The following RNF14 variants were observed in gnomAD, a reference collection of about 807,000 sequenced individuals.
RNF14 encodes ring finger protein 14, also known as E3 ubiquitin-protein ligase RNF14.
Under a neutral mutation model 52.6 loss-of-function variants are expected in RNF14, and 26 were observed. The ratio of observed to expected loss-of-function variants is 0.49; its 90% CI spans 0.36 to 0.69. The LOEUF (loss-of-function observed/expected upper bound fraction) is 0.69, where lower values mean the gene tolerates loss of function less well. Among genes scored for constraint, RNF14 ranks in the 30% least tolerant of loss-of-function variants. RNF14 has a pLI of 0.00. For missense variants in RNF14, 404 were observed against 560.4 expected (o/e 0.72, Z 2.82); for synonymous variants, 194 against 202.0 (o/e 0.96, Z 0.34).
In RNF14 at chr5:141,973,741, C is replaced by A. The variant is rs768143442; in HGVS notation, c.153C>A (p.Ser51Arg). 6.3e-5 allele frequency: 101 copies of A among 1,594,020 alleles called. No homozygotes were observed. Among genetic ancestry groups the A allele is most frequent in the Non-Finnish European group, 8.5e-5 (100 of 1,173,082 alleles). ...DLPQNFKIFV[S>R]GNSNECLQNS... ...CACAGAATTTCAAGATATTTGTGAGCGGTTAGTTAATAATTTCTTAAACAG... is the reference window on the plus strand; with the variant it reads ...CACAGAATTTCAAGATATTTGTGAGAGGTTAGTTAATAATTTCTTAAACAG... The change falls in exon 3 of 9, where the codon AGC becomes AGA. Residue 51 changes from serine (S) to arginine (R), a missense_variant and splice_region_variant. Transcript: ENST00000394520.
upstream of RNF14, chr5:141,956,658 G>GC: frequency 6.2e-7 from 1 of 1,614,176 alleles, no homozygotes; most frequent in Non-Finnish European, 8.5e-7. Flanking sequence ...GCCTGAAGTG[G>GC]CCCAGCTCTT....
upstream of RNF14, chr5:141,958,271 T>C (rs1753220470): frequency 5.8e-6 from 1 of 172,144 alleles, no homozygotes; most frequent in South Asian, 1.5e-4. Context: ...GGGCTGTGAG[T>C]TTCAATGCCA....
rs1245174620 is a variant in RNF14 at position 141,987,726 on chromosome 5, C to T, written c.1368-7C>T. 6.2e-7 allele frequency: 1 copy of T among 1,613,788 alleles called. No individual in the cohort carries two copies. The highest frequency in any genetic ancestry group is 2.2e-5 in the East Asian group (1 of 44,878). On this transcript the variant is annotated splice_polypyrimidine_tract_variant and splice_region_variant and intron_variant, in intron 8 of 8. Transcript: ENST00000394520. ...GTATAAAAATGTACCTTTTTTAATGCTTCCAGGCTGTTTTATGCTGTGGAT... is the reference window on the plus strand; with the variant it reads ...GTATAAAAATGTACCTTTTTTAATGTTTCCAGGCTGTTTTATGCTGTGGAT...
At chr5:141,963,379 CT>C (rs1199358722), upstream of RNF14, among the ~76,000 whole-genome samples, 789 of 136,340 alleles carry the variant, frequency 5.8e-3, 4 homozygotes, top group African/African-American at 0.013. Context: ...ACACAAGTTC[CT>C]TTTTTTTTTT....
rs1056546046 is a variant in RNF14 at position 141,973,611 on chromosome 5, C to T, written c.23C>T (p.Ala8Val). The change falls in exon 3 of 9, where the codon GCT becomes GTT. Residue 8 changes from alanine to valine, a missense_variant. Transcript: ENST00000394520. ...CTTATGTCGTCAGAAGATCGAGAAGCTCAGGAGGATGAATTGCTGGCCCTG... is the reference window on the plus strand; with the variant it reads ...CTTATGTCGTCAGAAGATCGAGAAGTTCAGGAGGATGAATTGCTGGCCCTG... MSSEDRE[A>V]QEDELLALAS... 1 of 1,612,842 alleles carries T rather than the reference C, an allele frequency of 6.2e-7. No homozygotes were observed.
At chr5:141,962,731 G>A (rs1357747110), upstream of RNF14, among the ~76,000 whole-genome samples, 1 of 152,180 alleles carries the variant, frequency 6.6e-6, no homozygotes, top group Admixed American at 6.5e-5. Context: ...AGATTTGTAT[G>A]TTCTTTTCCA....
intron 6 of RNF14, chr5:141,981,533 A>T (rs1278208350): frequency 2.6e-5 from 4 of 152,198 alleles, no homozygotes; most frequent in African/African-American, 9.7e-5. Flanking sequence ...GGCCTTTACC[A>T]TAAATAGTTT....
At chr5:141,968,961 G>A (rs573805359), upstream of RNF14, 1 of 151,308 alleles carries the variant, frequency 6.6e-6, no homozygotes, top group South Asian at 2.1e-4. Context: ...CAGTAAGTGG[G>A]GGTGACGGTG....
At chr5:141,972,361 C>T (rs1303695552) in intron 2 of RNF14, among the ~76,000 whole-genome samples, 1 of 152,084 alleles carries the variant, frequency 6.6e-6, no homozygotes, top group East Asian at 1.9e-4. Context: ...CCCCAAGTAG[C>T]TGGGACCACA....
intron 1 of RNF14, among the ~76,000 whole-genome samples, chr5:141,959,521 C>T (rs529846577): frequency 6.6e-6 from 1 of 152,132 alleles, no homozygotes; most frequent in Non-Finnish European, 1.5e-5. Flanking sequence ...TGAGAATGAA[C>T]GCCAGCTTCC....
At chr5:141,973,834 G>T in intron 3 of RNF14, 92 bp downstream of exon 3, 1 of 1,085,944 alleles carries the variant, frequency 9.2e-7, no homozygotes, top group South Asian at 1.7e-5. Flanking sequence ...TTAGGCATTA[G>T]TGATAGGTGG....
chr5:141,952,800 C>G, the RNF14 span: 1 of 152,252 alleles, frequency 6.6e-6, no homozygotes, highest in African/African-American at 2.4e-5. Flanking sequence ...TAAAAATCCT[C>G]TGCAAAAGCA....
upstream of RNF14, among the ~76,000 whole-genome samples, chr5:141,967,056 GT>G (rs1217937878): frequency 6.6e-6 from 1 of 152,122 alleles, no homozygotes; most frequent in Non-Finnish European, 1.5e-5. Flanking sequence ...GGGTATTTTG[GT>G]TTCTGTTTTG....
chr5:141,951,859 G>T, the RNF14 span, among the ~76,000 whole-genome samples: 3 of 152,230 alleles, frequency 2.0e-5, no homozygotes, highest in East Asian at 3.8e-4. Context: ...TCATTCCTCC[G>T]AGTGTCCTGC....
upstream of RNF14, chr5:141,955,731 G>T (rs1168434177): frequency 6.2e-7 from 1 of 1,614,022 alleles, no homozygotes; most frequent in African/African-American, 1.3e-5. This position sits in a 1 kb window ranked among gnomAD's most constrained non-coding sequence, Gnocchi z 5.5. Context: ...CCCCAGGCTT[G>T]CGGGCTGAGT....
chr5:141,981,714 G>A (rs756559005), intron 6 of RNF14: 2 of 151,998 alleles, frequency 1.3e-5, no homozygotes, highest in African/African-American at 2.4e-5. Context: ...TTAACGAGGT[G>A]TGGTGGTGCA....
intron 2 of RNF14, among the ~76,000 whole-genome samples, chr5:141,971,635 CCTT>C (rs1753789395): frequency 5.7e-5 from 2 of 35,056 alleles, no homozygotes; most frequent in African/African-American, 2.0e-4. Flanking sequence ...TTCTTTCTTT[CCTT>C]TTTTTTTTTT....
intron 7 of RNF14, 24 bp from the exon 8 acceptor site, chr5:141,984,779 T>C: frequency 6.2e-7 from 1 of 1,611,754 alleles, no homozygotes; most frequent in Non-Finnish European, 8.5e-7. Context: ...CTTGATATTT[T>C]TCTCTTTCTA....
upstream of RNF14, among the ~76,000 whole-genome samples, chr5:141,961,848 C>A (rs1199738077): frequency 1.3e-5 from 2 of 152,102 alleles, no homozygotes; most frequent in Non-Finnish European, 2.9e-5. Context: ...GACTCCCAGG[C>A]CAGCTGAATG....
Sources: gnomAD v4.1 joint callset for allele counts (sites outside exome capture counted in the v4.1 genomes callset) on GRCh38, gnomAD v4.1.1 for gene constraint, Gnocchi (gnomAD v3.1) non-coding constraint, MANE v1.5 for transcripts, NCBI Gene and HGNC (gene_info 2026-07-23, HGNC 2026-07-21) for gene names.